LRP10: variants seen among roughly 807,000 people sequenced by gnomAD.
The protein encoded by LRP10 is LDL receptor related protein 10, also known as low-density lipoprotein receptor-related protein 10.
A neutral mutation model predicts 58.5 loss-of-function variants in LRP10; 42 were observed. That is an observed-to-expected ratio of 0.72 (90% CI 0.56 to 0.93). LRP10 has a LOEUF of 0.93. Ranked by LOEUF, LRP10 falls within the 40% of genes least tolerant of loss-of-function variation. LRP10 has a pLI of 0.00. For synonymous variants in LRP10, 377 were observed against 388.5 expected, an observed-to-expected ratio of 0.97 and a Z score of 0.35; for missense variants, 872 against 940.1, an observed-to-expected ratio of 0.93 and a Z score of 0.95.
In LRP10 at chr14:22,877,716, G is replaced by A. The variant is rs1270218454; in HGVS notation, c.*189G>A. ...TAAGTGTCCCTCAGGCAGGGAGAGG[G>A]CTCACAGAGTCTCCTCTGTACGTGG... On this transcript the variant is annotated 3_prime_UTR_variant, in exon 7 of 7. Coordinates refer to ENST00000359591, the MANE Select transcript of LRP10 (RefSeq NM_014045.5). This position sits in a 1 kb window ranked among gnomAD's most constrained non-coding sequence, Gnocchi z 5.1. 2 of 543,956 alleles carry A rather than the reference G, an allele frequency of 3.7e-6. No homozygotes were observed. Among genetic ancestry groups the A allele is most frequent in the Non-Finnish European group, 6.5e-6 (2 of 308,952 alleles). 33.7% of individuals were successfully genotyped at this position (543,956 alleles called of 1,614,324 possible). A position where few individuals can be genotyped will look rare whatever the true frequency, so the allele number is the denominator to read the frequency against.
At chr14:22,872,472 G>C (rs1173602386) in intron 1 of LRP10, 135 bp downstream of exon 1, 30 of 1,046,930 alleles carry the variant, frequency 2.9e-5, no homozygotes, top group African/African-American at 4.7e-5. Context: ...AGCACTGCCG[G>C]CCCCAACCCC....
Position 22,872,758 on chromosome 14 carries a change from G to A in LRP10, c.55G>A (p.Asp19Asn), listed in dbSNP as rs374783279. The change falls in exon 2 of 7, where the codon GAC becomes AAC. Residue 19 changes from aspartate to asparagine, a missense_variant. By Grantham distance (23) the Asp-to-Asn change is conservative. Transcript: ENST00000359591. Reference sequence around the variant, plus strand: ...TCTAGGAGGCGCTCTGGCCCATCCAGACCGGATTATTTTTCCAAATCATGG... The same window carrying A: ...TCTAGGAGGCGCTCTGGCCCATCCAAACCGGATTATTTTTCCAAATCATGG... ...LLLGGALAHP[D>N]RIIFPNHACE... The A allele has an allele frequency of 2.5e-6, 4 of 1,614,152 alleles. No homozygotes were observed. In the Admixed American group the frequency reaches 5.0e-5, roughly 20 times the overall value.
In LRP10 at chr14:22,876,203, G is replaced by A. The variant is rs766159007; in HGVS notation, c.1255G>A (p.Asp419Asn). The part of the protein sequence containing the change: ...EKCVYETWVC[D>N]GQPDCADGSD... ...GTGCGTGTATGAGACGTGGGTGTGC[G>A]ATGGGCAGCCAGACTGTGCGGACGG... Residue 419 changes from aspartate (D) to asparagine (N), a missense_variant, in exon 5 of 7, where the codon GAT becomes AAT. Asp to Asn is a conservative substitution (Grantham distance 23). Coordinates refer to ENST00000359591, the MANE Select transcript of LRP10 (RefSeq NM_014045.5). 8.7e-6 allele frequency: 14 copies of A among 1,614,214 alleles called. No individual in the cohort carries two copies. Among genetic ancestry groups the A allele is most frequent in the East Asian group, 4.5e-5 (2 of 44,890 alleles).
Position 22,877,424 on chromosome 14 carries a change from C to G in LRP10, c.2039C>G (p.Thr680Arg), listed in dbSNP as rs35796938. The G allele has an allele frequency of 2.5e-6, 4 of 1,613,736 alleles. No individual in the cohort carries two copies. Among genetic ancestry groups the G allele is most frequent in the Non-Finnish European group, 3.4e-6 (4 of 1,179,958 alleles). The change falls in exon 7 of 7, where the codon ACA becomes AGA. Residue 680 changes from threonine to arginine, a missense_variant. Coordinates refer to ENST00000359591, the MANE Select transcript of LRP10 (RefSeq NM_014045.5). This position sits in a 1 kb window ranked among gnomAD's most constrained non-coding sequence, Gnocchi z 5.1. ...GPTRSPPGPHTAVLALEDEDD... is the reference protein window; with the variant it reads ...GPTRSPPGPHRAVLALEDEDD... ...ACCCGGAGCCCCCCTGGACCCCACACAGCAGTCCTGGCCCTGGAAGATGAG... is the reference window on the plus strand; with the variant it reads ...ACCCGGAGCCCCCCTGGACCCCACAGAGCAGTCCTGGCCCTGGAAGATGAG...
chr14:22,876,514 G>A, intron 5 of LRP10, 142 bp downstream of exon 5: 4 of 1,317,982 alleles, frequency 3.0e-6, no homozygotes. Flanking sequence ...TAAGGGACAG[G>A]TCCAGATCCT....
At chr14:22,873,526 CTT>C (rs144635209) in intron 3 of LRP10, 80 bp downstream of exon 3, 21,090 of 1,196,586 alleles carry the variant, frequency 0.018, no homozygotes, top group South Asian at 0.025. Flanking sequence ...GGGATCACTT[CTT>C]TTTTTTTTTT....
Position 22,877,088 on chromosome 14 carries a change from G to A in LRP10, c.1703G>A (p.Arg568Gln), listed in dbSNP as rs777242144. Residue 568 changes from arginine to glutamine, a missense_variant, in exon 7 of 7, where the codon CGA (arginine) becomes CAA (glutamine). By Grantham distance (43) the Arg-to-Gln change is conservative. Coordinates refer to ENST00000359591, the MANE Select transcript of LRP10 (RefSeq NM_014045.5). This position sits in a 1 kb window ranked among gnomAD's most constrained non-coding sequence, Gnocchi z 5.1. Reference protein sequence around the residue: ...RRLRRWGLLPRTNTPARASEA... With the variant: ...RRLRRWGLLPQTNTPARASEA... Reference sequence around the variant, plus strand: ...CTCCGCCGCTGGGGCTTGCTCCCTCGAACCAACACCCCGGCTCGGGCCTCT... The same window carrying A: ...CTCCGCCGCTGGGGCTTGCTCCCTCAAACCAACACCCCGGCTCGGGCCTCT... 3.1e-6 allele frequency: 5 copies of A among 1,613,808 alleles called. No individual in the cohort carries two copies. Among genetic ancestry groups the A allele is most frequent in the African/African-American group, 1.3e-5 (1 of 75,036 alleles).
At chr14:22,874,746 G>A (rs1266989996) in intron 3 of LRP10, among the ~76,000 whole-genome samples, 1 of 152,134 alleles carries the variant, frequency 6.6e-6, no homozygotes, top group Non-Finnish European at 1.5e-5. Context: ...AATTAGCCAG[G>A]TGTGGTGGCG....
At position 22,878,648 on chromosome 14, in the gene LRP10, T is replaced by C. The variant is rs1440677606; in HGVS notation, c.*1121T>C. On this transcript the variant is annotated 3_prime_UTR_variant, in exon 7 of 7. Coordinates refer to ENST00000359591, the MANE Select transcript of LRP10 (RefSeq NM_014045.5). Reference sequence around the variant, plus strand: ...CATGGCCAAATCCAAGAGGTCTTCCTGGAAGAGGGCCCAAACTGGAACCAA... The same window carrying C: ...CATGGCCAAATCCAAGAGGTCTTCCCGGAAGAGGGCCCAAACTGGAACCAA... 1 of 155,322 alleles carries C rather than the reference T, an allele frequency of 6.4e-6. No homozygotes were observed. The highest frequency in any genetic ancestry group is 2.4e-5 in the African/African-American group (1 of 41,486). The allele number at this position is 155,322 out of a possible 1,614,324, so 9.6% of individuals were successfully genotyped here. A position where few individuals can be genotyped will look rare whatever the true frequency, so the allele number is the denominator to read the frequency against.
Position 22,875,219 on chromosome 14 carries a change from A to T in LRP10, c.380A>T (p.Gln127Leu), listed in dbSNP as rs772281070. ...SYAGARAPMG[Q>L]GFLLSYSQDW... ...GCTGGGGCCAGAGCACCCATGGGCC[A>T]GGGCTTCCTGCTCTCCTACAGCCAA... The change falls in exon 4 of 7, where the codon CAG (glutamine) becomes CTG (leucine). Residue 127 changes from glutamine to leucine, a missense_variant. Gln to Leu is a moderately radical substitution (Grantham distance 113). Coordinates refer to ENST00000359591, the MANE Select transcript of LRP10 (RefSeq NM_014045.5). The T allele has an allele frequency of 2.5e-5, 40 of 1,604,356 alleles. No individual in the cohort carries two copies. The highest frequency in any genetic ancestry group is 5.4e-5 in the African/African-American group (4 of 74,752).
chr14:22,875,076 C>T lies in LRP10; in HGVS notation c.237C>T (p.Ala79=), dbSNP rs1161530289. The T allele has an allele frequency of 6.3e-7, 1 of 1,589,986 alleles. No individual in the cohort carries two copies. The highest frequency in any genetic ancestry group is 1.8e-5 in the Admixed American group (1 of 57,026). ...ATAGGTTCCAGAAGCTACACCTGGC[C>T]TGTGGCTCAGAGCGCTTAACCCTAC... ...VTIRFQKLHL[A]CGSERLTLRS... is the part of the protein sequence containing the mutation. The change falls in exon 4 of 7, where the codon GCC becomes GCT. Residue 79 remains alanine, a synonymous_variant. Transcript: ENST00000359591.
Position 22,871,971 on chromosome 14 carries a change from C to G in LRP10, c.-333C>G. 2.0e-6 allele frequency: 1 copy of G among 493,154 alleles called. No individual in the cohort carries two copies. The highest frequency in any genetic ancestry group is 3.6e-5 in the Admixed American group (1 of 27,734). 30.5% of individuals were successfully genotyped at this position (493,154 alleles called of 1,614,324 possible). A position where few individuals can be genotyped will look rare whatever the true frequency, so the allele number is the denominator to read the frequency against. ...CCCGGCAGGTGGCGACCAGGCCAGA[C>G]CAGGGGCGCTCGCTGCCTGCGGGCG... On this transcript the variant is annotated 5_prime_UTR_variant, in exon 1 of 7. Coordinates refer to ENST00000359591, the MANE Select transcript of LRP10 (RefSeq NM_014045.5).
chr14:22,872,192 CCCCCCTGGGGAGG>C lies in LRP10; in HGVS notation c.-110_-98del, dbSNP rs1211830560. ...TACGGGTCGAGCCCGGGCCATGGAGCCCCCCTGGGGAGGCGGCACCAGGGAGCCTGGGCGCCCG... is the reference window on the plus strand; with the variant it reads ...TACGGGTCGAGCCCGGGCCATGGAGCCGGCACCAGGGAGCCTGGGCGCCCG... On this transcript the variant is annotated 5_prime_UTR_variant, in exon 1 of 7. An upstream open reading frame in the 5' UTR loses its in-frame stop. Transcript: ENST00000359591. The C allele has an allele frequency of 1.5e-5, 17 of 1,110,394 alleles. No individual in the cohort carries two copies. In the Admixed American group the frequency reaches 2.9e-4, roughly 19 times the overall value. 68.8% of individuals were successfully genotyped at this position (1,110,394 alleles called of 1,614,324 possible). A position where few individuals can be genotyped will look rare whatever the true frequency, so the allele number is the denominator to read the frequency against.
Position 22,881,351 on chromosome 14 carries a change from A to T in LRP10, c.*3824A>T, listed in dbSNP as rs1313357313. On this transcript the variant is annotated 3_prime_UTR_variant, in exon 7 of 7. Transcript: ENST00000359591. ...AGGGTGAGACCCTCCCTCTGAAAAAAATAAAAATACTCATTTTGGAAGGAA... is the reference window on the plus strand; with the variant it reads ...AGGGTGAGACCCTCCCTCTGAAAAATATAAAAATACTCATTTTGGAAGGAA... The T allele has an allele frequency of 6.6e-6, 1 of 152,258 alleles. No individual in the cohort carries two copies. The highest frequency in any genetic ancestry group is 1.9e-4 in the East Asian group (1 of 5,204). 9.4% of individuals were successfully genotyped at this position (152,258 alleles called of 1,614,324 possible).
At position 22,878,513 on chromosome 14, in the gene LRP10, AGTCT is replaced by A. The variant is rs1566495229; in HGVS notation, c.*990_*993del. The stretch of plus-strand genomic sequence containing the variant: ...CCTCCACACCCACCAGGCATTTAGC[AGTCT>A]GTCCTATGCAAGACAGATGAATTCT... On this transcript the variant is annotated 3_prime_UTR_variant, in exon 7 of 7. Transcript: ENST00000359591. The A allele has an allele frequency of 6.6e-6, 1 of 152,368 alleles. No homozygotes were observed. Among genetic ancestry groups the A allele is most frequent in the Non-Finnish European group, 1.5e-5 (1 of 68,188 alleles). The allele number at this position is 152,368 out of a possible 1,614,324, so 9.4% of individuals were successfully genotyped here. A position where few individuals can be genotyped will look rare whatever the true frequency, so the allele number is the denominator to read the frequency against.
In LRP10 at chr14:22,877,916, C is replaced by A. The variant is rs140349986; in HGVS notation, c.*389C>A. The A allele has an allele frequency of 2.7e-4, 45 of 166,322 alleles. 1 individual carries two copies. Among genetic ancestry groups the A allele is most frequent in the African/African-American group, 1.0e-3 (43 of 42,172 alleles). The allele number at this position is 166,322 out of a possible 1,614,324, so 10.3% of individuals were successfully genotyped here. On this transcript the variant is annotated 3_prime_UTR_variant, in exon 7 of 7. Transcript: ENST00000359591. This position sits in a 1 kb window ranked among gnomAD's most constrained non-coding sequence, Gnocchi z 5.1. ...CACCGGAATGCCAATTAACTAGAGACCCTCCAGCCCCCAAGGGGAGGATTT... is the reference window on the plus strand; with the variant it reads ...CACCGGAATGCCAATTAACTAGAGAACCTCCAGCCCCCAAGGGGAGGATTT...
rs771651085 is a variant in LRP10, at chr14:22,875,482, C to A, written c.534C>A (p.Pro178=). 1 of 1,614,228 alleles carries A rather than the reference C, an allele frequency of 6.2e-7. No individual in the cohort carries two copies. Among genetic ancestry groups the A allele is most frequent in the Admixed American group, 1.7e-5 (1 of 60,030 alleles). The change falls in exon 5 of 7, where the codon CCC becomes CCA. Residue 178 remains proline, a synonymous_variant. Transcript: ENST00000359591. The stretch of plus-strand genomic sequence containing the variant: ...ATGAAGCAGGTTGCAGCTCAGACCC[C>A]TTCCCTGGCCTGACCCCAAGACCCG... ...GSDEAGCSSD[P]FPGLTPRPVP...
Position 22,872,438 on chromosome 14 carries a change from C to T in LRP10, c.34+101C>T, listed in dbSNP as rs2039964966. On this transcript the variant is annotated intron_variant, in intron 1 of 6. Transcript: ENST00000359591. ...CGCACTCTATCCTGCCTGCCCATTC[C>T]CCCCAGCCCCTGCCGCCAGCCCCAG... is the stretch of plus-strand genomic sequence containing the variant. 4 of 1,409,186 alleles carry T rather than the reference C, an allele frequency of 2.8e-6. No individual in the cohort carries two copies. In the African/African-American group the frequency reaches 5.6e-5, roughly 20 times the overall value. 87.3% of individuals were successfully genotyped at this position (1,409,186 alleles called of 1,614,324 possible).
rs764019485 is a variant in LRP10, at chr14:22,878,815, C to T, written c.*1288C>T. ...AGAGCACAAGCAGCGGCCAGAGCTG[C>T]AGCGCTGGGGTGGGTGATGGAGGGA... On this transcript the variant is annotated 3_prime_UTR_variant, in exon 7 of 7. Coordinates refer to ENST00000359591, the MANE Select transcript of LRP10 (RefSeq NM_014045.5). 36 of 202,974 alleles carry T rather than the reference C, an allele frequency of 1.8e-4. No homozygotes were observed. The highest frequency in any genetic ancestry group is 4.2e-5 in the Non-Finnish European group (4 of 94,128). 12.6% of individuals were successfully genotyped at this position (202,974 alleles called of 1,614,324 possible).
Sources: gnomAD v4.1 joint callset for allele counts (sites outside exome capture counted in the v4.1 genomes callset) on GRCh38, gnomAD v4.1.1 for gene constraint, Gnocchi (gnomAD v3.1) non-coding constraint, MANE v1.5 for transcripts, NCBI Gene and HGNC (gene_info 2026-07-23, HGNC 2026-07-21) for gene names.